ELMO1: variants seen among roughly 807,000 people sequenced by gnomAD.
The protein encoded by ELMO1 is engulfment and cell motility protein 1.
In ELMO1, 26 loss-of-function variants were observed where a neutral mutation model predicts 98.9. The ratio of observed to expected loss-of-function variants is 0.26; its 90% confidence interval spans 0.19 to 0.36. The LOEUF (loss-of-function observed/expected upper bound fraction) is 0.36, where lower values mean the gene tolerates loss of function less well. Ranked by LOEUF, ELMO1 falls within the 10% of genes least tolerant of loss-of-function variation. The pLI is 1.00. For missense variants in ELMO1, 627 were observed against 935.2 expected (o/e 0.67, Z 4.30); for synonymous variants, 346 against 346.0 (o/e 1.00, Z 0.00).
At chr7:36,952,350 G>A (rs76638295) in intron 16 of ELMO1, among the ~76,000 whole-genome samples, 2,269 of 152,292 alleles carry the variant, frequency 0.015, 57 homozygotes, top group African/African-American at 0.052. Context: ...CGGGAGGTGG[G>A]AGAGAGATGG....
At chr7:37,215,666 C>A (rs1793236649) in intron 11 of ELMO1, among the ~76,000 whole-genome samples, 1 of 152,250 alleles carries the variant, frequency 6.6e-6, no homozygotes, top group South Asian at 2.1e-4. Context: ...CCTGCTCAGC[C>A]AGCTTACCTG....
chr7:37,185,261 T>C (rs930917209), intron 13 of ELMO1, among the ~76,000 whole-genome samples: 6 of 152,206 alleles, frequency 3.9e-5, no homozygotes, highest in Admixed American at 6.5e-5. Context: ...GATATTACAA[T>C]AGAATTTGAT....
At position 36,878,133 on chromosome 7, in the gene ELMO1, C is replaced by A; in HGVS notation, c.1715-16G>T. The stretch of plus-strand genomic sequence containing the variant: ...CAAAACTTGTCTGAGAGAAAAAACA[C>A]AAGTTTACAAGGTAAGTGATTGTGG... On this transcript the variant is annotated splice_polypyrimidine_tract_variant and intron_variant, in intron 18 of 21. Coordinates refer to ENST00000310758, the MANE Select transcript of ELMO1 (RefSeq NM_014800.11). 6.3e-7 allele frequency: 1 copy of A among 1,586,170 alleles called. No homozygotes were observed. Among genetic ancestry groups the A allele is most frequent in the Non-Finnish European group, 8.7e-7 (1 of 1,155,034 alleles).
intron 16 of ELMO1, among the ~76,000 whole-genome samples, chr7:36,910,613 T>C (rs1251171949): frequency 6.6e-6 from 1 of 152,206 alleles, no homozygotes; most frequent in Non-Finnish European, 1.5e-5. Flanking sequence ...GCCATCTGTG[T>C]GTCCTTGGGC....
At chr7:37,340,283 G>A (rs1411439276) in intron 2 of ELMO1, among the ~76,000 whole-genome samples, 3 of 152,228 alleles carry the variant, frequency 2.0e-5, no homozygotes, top group Non-Finnish European at 4.4e-5. Flanking sequence ...CATACACACT[G>A]AGTGTTCAGG....
At chr7:37,226,954 C>A (rs1793906772) in intron 8 of ELMO1, among the ~76,000 whole-genome samples, 1 of 152,176 alleles carries the variant, frequency 6.6e-6, no homozygotes, top group Non-Finnish European at 1.5e-5. Context: ...AAGGCATTTA[C>A]TATGAAGTAC....
At chr7:37,152,365 G>C (rs989748033) in intron 13 of ELMO1, among the ~76,000 whole-genome samples, 1 of 152,014 alleles carries the variant, frequency 6.6e-6, no homozygotes, top group Non-Finnish European at 1.5e-5. Flanking sequence ...TGGGTGCAGA[G>C]AAAGTGACTG....
chr7:36,888,917 A>G lies in ELMO1; in HGVS notation c.1602-1245T>C, dbSNP rs941588179. On this transcript the variant is annotated intron_variant, in intron 17 of 21. Coordinates refer to ENST00000310758, the MANE Select transcript of ELMO1 (RefSeq NM_014800.11). ...GCCAGGTAGTGCAATATGCAATTTT[A>G]GCTCATTTAACCTTCCTTCCTTCCT... Among the ~76,000 whole-genome samples, 3 of 152,186 alleles carry G rather than the reference A, an allele frequency of 2.0e-5. No individual in the cohort carries two copies. The South Asian group carries it at 6.2e-4, about 32-fold the overall frequency.
At chr7:37,404,419 T>G (rs1431043719) in intron 1 of ELMO1, among the ~76,000 whole-genome samples, 1 of 152,218 alleles carries the variant, frequency 6.6e-6, no homozygotes, top group African/African-American at 2.4e-5. Flanking sequence ...CTCCCCGCCA[T>G]TGGCACAGCT....
At chr7:37,092,739 C>T (rs79169760) in intron 15 of ELMO1, among the ~76,000 whole-genome samples, 8,271 of 151,994 alleles carry the variant, frequency 0.054, 620 homozygotes, top group African/African-American at 0.17. Flanking sequence ...CAACCAACTG[C>T]GTGCAGCACA....
chr7:36,855,676 C>T lies in ELMO1; in HGVS notation c.2059G>A (p.Asp687Asn). 1 of 1,614,090 alleles carries T rather than the reference C, an allele frequency of 6.2e-7. No individual in the cohort carries two copies. Among genetic ancestry groups the T allele is most frequent in the South Asian group, 1.1e-5 (1 of 91,078 alleles). The change falls in exon 22 of 22, where the codon GAC (aspartate) becomes AAC (asparagine). Residue 687 changes from aspartate (D) to asparagine (N), a missense_variant. Transcript: ENST00000310758. The surrounding 1 kb of genome is among the most constrained non-coding windows in gnomAD (Gnocchi z 4.2). ...MMSDLTRNDLDTLLSMEIKLR... is the reference protein window; with the variant it reads ...MMSDLTRNDLNTLLSMEIKLR... The stretch of plus-strand genomic sequence containing the variant: ...TTGATTTCCATGCTGAGCAGGGTGT[C>T]CAGGTCATTCCGCGTCAGGTCGCTC...
intron 10 of ELMO1, among the ~76,000 whole-genome samples, chr7:37,220,128 A>G (rs904245918): frequency 6.6e-6 from 1 of 152,222 alleles, no homozygotes; most frequent in East Asian, 1.9e-4. Context: ...TGACCTTCAG[A>G]AAATAATATC....
chr7:36,940,246 C>A (rs923796413), intron 16 of ELMO1, among the ~76,000 whole-genome samples: 32 of 152,310 alleles, frequency 2.1e-4, no homozygotes, highest in African/African-American at 7.7e-4. Context: ...CACACTGGGG[C>A]AAATCTGGTG....
chr7:37,403,283 C>T lies in ELMO1; in HGVS notation c.-74+45392G>A, dbSNP rs969695994. Among the ~76,000 whole-genome samples, 4 of 152,086 alleles carry T rather than the reference C, an allele frequency of 2.6e-5. No homozygotes were observed. In the East Asian group the frequency reaches 5.8e-4, roughly 22 times the overall value. The stretch of plus-strand genomic sequence containing the variant: ...GTCAACAGTTCAGTGGTTTGCCTGG[C>T]ACAGTGGCTCACACCTGTAATCCCA... On this transcript the variant is annotated intron_variant, in intron 1 of 21. Coordinates refer to ENST00000310758, the MANE Select transcript of ELMO1 (RefSeq NM_014800.11).
intron 16 of ELMO1, among the ~76,000 whole-genome samples, chr7:36,978,371 G>A (rs893653112): frequency 2.0e-5 from 3 of 151,638 alleles, no homozygotes; most frequent in African/African-American, 7.3e-5. Flanking sequence ...ATGTCCAGAT[G>A]TGACAGAGAA....
chr7:36,890,774 T>G (rs971549885), intron 17 of ELMO1, among the ~76,000 whole-genome samples: 1 of 152,232 alleles, frequency 6.6e-6, no homozygotes, highest in Admixed American at 6.5e-5. Context: ...TTTAAACACC[T>G]AAGTCACATC....
At chr7:37,164,388 T>G (rs1789479915) in intron 13 of ELMO1, among the ~76,000 whole-genome samples, 1 of 152,082 alleles carries the variant, frequency 6.6e-6, no homozygotes, top group South Asian at 2.1e-4. Flanking sequence ...TTGCTTTTGG[T>G]GTTTTAGACA....
intron 15 of ELMO1, among the ~76,000 whole-genome samples, chr7:37,029,901 T>C (rs1302080904): frequency 6.6e-6 from 1 of 152,204 alleles, no homozygotes; most frequent in African/African-American, 2.4e-5. Flanking sequence ...TCCTAAGTTA[T>C]TCGTAATACT....
chr7:36,989,133 C>A (rs769260995), intron 16 of ELMO1, among the ~76,000 whole-genome samples: 2 of 152,168 alleles, frequency 1.3e-5, no homozygotes, highest in East Asian at 3.8e-4. Flanking sequence ...AGTTCATAAT[C>A]CAGTGCATTC....
Sources: allele counts gnomAD v4.1 joint callset (sites outside exome capture counted in the v4.1 genomes callset), GRCh38; gene constraint gnomAD v4.1.1; non-coding constraint Gnocchi (gnomAD v3.1); transcripts MANE v1.5; gene names NCBI Gene and HGNC (gene_info 2026-07-23, HGNC 2026-07-21).